Variants in KLHL13 observed in about 807,000 individuals in gnomAD.
The protein encoded by KLHL13 is kelch-like protein 13.
Under a neutral mutation model 37.1 loss-of-function variants are expected in KLHL13, and 10 were observed. The observed-to-expected ratio is 0.27, with a 90% confidence interval of 0.17 to 0.46. The LOEUF (loss-of-function observed/expected upper bound fraction) is 0.46, where lower values mean the gene tolerates loss of function less well. KLHL13 is among the 20% of genes least tolerant of loss of function. The pLI is 1.00. For missense variants in KLHL13, 360 were observed against 509.3 expected (o/e 0.71, Z 2.82); for synonymous variants, 163 against 181.2 (o/e 0.90, Z 0.81).
chrX:118,060,245 A>G (rs1040508525), intron 1 of KLHL13, among the ~76,000 whole-genome samples: 8 of 111,926 alleles, frequency 7.1e-5, no homozygotes, highest in African/African-American at 2.6e-4. Context: ...CAAAGGTTAC[A>G]ATAATATCTC....
At chrX:117,995,235 C>T (rs921104077) in intron 1 of KLHL13, among the ~76,000 whole-genome samples, 1 of 111,274 alleles carries the variant, frequency 9.0e-6, no homozygotes, top group Admixed American at 9.5e-5. Context: ...CTTATTACTG[C>T]AAATAGGAAA....
chrX:118,029,314 A>G (rs2054310609), intron 1 of KLHL13, among the ~76,000 whole-genome samples: 1 of 111,619 alleles, frequency 9.0e-6, no homozygotes, highest in Non-Finnish European at 1.9e-5. Flanking sequence ...AGGGAACACA[A>G]TTTTAGAATT....
intron 1 of KLHL13, among the ~76,000 whole-genome samples, chrX:118,008,604 G>C (rs191911656): frequency 8.9e-6 from 1 of 112,058 alleles, no homozygotes; most frequent in East Asian, 2.8e-4. Context: ...ATCATCATGA[G>C]AAGTATTTAT....
exon 3 of KLHL13, chrX:117,920,289 G>C (rs1242435072): frequency 8.3e-7 from 1 of 1,204,592 alleles, no homozygotes; most frequent in East Asian, 3.0e-5. Context: ...ATGACTCTAT[G>C]CACAGGGAAA....
rs911388393 is a variant in KLHL13 at position 117,941,535 on chromosome X, G to A, written c.240+3899C>T. ...CAGAACTTGTTATTGGTCTATTCAG[G>A]GATTCGACTTCTTCCTAGTTTAGTC... On this transcript the variant is annotated intron_variant, in intron 2 of 6. Transcript: ENST00000262820. 3.6e-5 allele frequency among the ~76,000 whole-genome samples: 4 copies of A among 111,106 alleles called. No homozygotes were observed. The Admixed American group carries it at 3.8e-4, about 11-fold the overall frequency.
chrX:117,903,179 C>CGAGAGAGAGAGAGAGAGAGAGA (rs56692141), intron 5 of KLHL13, among the ~76,000 whole-genome samples: 7 of 92,315 alleles, frequency 7.6e-5, no homozygotes, highest in African/African-American at 2.9e-4. Flanking sequence ...GAGAGGAGAG[C>CGAGAGAGAGAGAGAGAGAGAGA]GAGAGAGAGA....
At chrX:117,998,536 C>G (rs767553177) in intron 1 of KLHL13, among the ~76,000 whole-genome samples, 107 of 111,273 alleles carry the variant, frequency 9.6e-4, no homozygotes, top group African/African-American at 3.3e-3. Context: ...ACCCCTAGGG[C>G]TGAGAAAGAG....
chrX:117,968,140 C>T (rs2053467947), intron 1 of KLHL13, among the ~76,000 whole-genome samples: 3 of 107,819 alleles, frequency 2.8e-5, no homozygotes, highest in Non-Finnish European at 5.8e-5. Flanking sequence ...CATGAGAAGA[C>T]GCCTAAGCGT....
chrX:118,019,493 T>C (rs2054173104), intron 1 of KLHL13, among the ~76,000 whole-genome samples: 1 of 110,549 alleles, frequency 9.0e-6, no homozygotes, highest in Non-Finnish European at 1.9e-5. Context: ...GCTCTTTAGT[T>C]GAATTAGATC....
intron 1 of KLHL13, among the ~76,000 whole-genome samples, chrX:118,077,307 T>C (rs1286114547): frequency 5.4e-5 from 6 of 110,739 alleles, no homozygotes. Flanking sequence ...AGTGGGAATC[T>C]ACAAAAAGTA....
chrX:117,919,030 T>A (rs1010825164), intron 4 of KLHL13, among the ~76,000 whole-genome samples: 14 of 111,171 alleles, frequency 1.3e-4, no homozygotes, highest in Non-Finnish European at 2.3e-4. Context: ...AGAGGCTTTT[T>A]TTTTCTTCCT....
chrX:118,070,857 T>C (rs1192212712), intron 1 of KLHL13, among the ~76,000 whole-genome samples: 2 of 110,134 alleles, frequency 1.8e-5, no homozygotes, highest in Non-Finnish European at 3.8e-5. Flanking sequence ...CTGCACCCAC[T>C]AGCTCGTCAT....
intron 1 of KLHL13, among the ~76,000 whole-genome samples, chrX:118,062,016 AC>A (rs1245042243): frequency 2.7e-5 from 3 of 110,726 alleles, no homozygotes; most frequent in Admixed American, 1.9e-4. Context: ...TCCATACCTT[AC>A]TGTTTTATTG....
intron 1 of KLHL13, among the ~76,000 whole-genome samples, chrX:118,112,407 G>A (rs1312515564): frequency 2.7e-5 from 3 of 111,284 alleles, no homozygotes; most frequent in Non-Finnish European, 5.6e-5. Context: ...GGGCAAGTGT[G>A]TGACTGCTGT....
intron 1 of KLHL13, among the ~76,000 whole-genome samples, chrX:117,971,711 A>C (rs1267248363): frequency 9.0e-6 from 1 of 111,470 alleles, no homozygotes; most frequent in Non-Finnish European, 1.9e-5. Flanking sequence ...TCAAAGAAAG[A>C]GATAGATATA....
intron 1 of KLHL13, 51 bp from the exon 2 acceptor site, chrX:118,028,548 A>G: frequency 1.8e-6 from 1 of 565,793 alleles, no homozygotes; most frequent in Non-Finnish European, 2.8e-6. Flanking sequence ...TAACACTGGA[A>G]TTTTCAACTT....
intron 1 of KLHL13, among the ~76,000 whole-genome samples, chrX:118,084,095 G>A (rs1014018839): frequency 6.3e-5 from 7 of 111,077 alleles, no homozygotes; most frequent in Non-Finnish European, 1.1e-4. Context: ...CAAGGTAGGC[G>A]GATTGTTTGA....
chrX:117,910,119 T>A (rs754715540), intron 4 of KLHL13, 23 bp from the exon 6 acceptor site: 1 of 1,079,462 alleles, frequency 9.3e-7, no homozygotes, highest in Non-Finnish European at 1.2e-6. Flanking sequence ...TTAAAAAAAA[T>A]TAAAACATGA....
At chrX:117,988,876 A>T (rs1236415915) in intron 1 of KLHL13, among the ~76,000 whole-genome samples, 1 of 111,963 alleles carries the variant, frequency 8.9e-6, no homozygotes. Flanking sequence ...ATTATTCAAG[A>T]TTGACTACGA....
Sources: allele counts gnomAD v4.1 joint callset (sites outside exome capture counted in the v4.1 genomes callset), GRCh38; gene constraint gnomAD v4.1.1; transcripts MANE v1.5; gene names NCBI Gene and HGNC (gene_info 2026-07-23, HGNC 2026-07-21).